The following PRKN variants were observed in gnomAD, a reference collection of about 807,000 sequenced individuals.
PRKN encodes E3 ubiquitin-protein ligase parkin.
PRKN carries 56 observed loss-of-function variants against 59.5 expected under a neutral mutation model. That is an observed-to-expected ratio of 0.94 (90% CI 0.76 to 1.18). The LOEUF is 1.18. Ranked by LOEUF, PRKN falls within the 50% of genes most tolerant of loss-of-function variation. The pLI, the probability that PRKN is intolerant of heterozygous loss-of-function variation, is 0.00. For missense variants in PRKN, 657 were observed against 596.4 expected, an observed-to-expected ratio of 1.10 and a Z score of -1.06; for synonymous variants, 250 against 222.1, an observed-to-expected ratio of 1.13 and a Z score of -1.12.
At chr6:162,389,789 A>G (rs746446014) in intron 2 of PRKN, among the ~76,000 whole-genome samples, 1 of 152,200 alleles carries the variant, frequency 6.6e-6, no homozygotes, top group East Asian at 1.9e-4. Flanking sequence ...GTGGAGTCCA[A>G]AGCTTTCCCC....
chr6:162,482,748 C>T (rs962146639), intron 1 of PRKN, among the ~76,000 whole-genome samples: 4 of 152,182 alleles, frequency 2.6e-5, no homozygotes, highest in African/African-American at 9.6e-5. Context: ...CAAAACCCAA[C>T]TCTAAAATGA....
At chr6:162,634,280 C>T (rs58292605) in intron 1 of PRKN, among the ~76,000 whole-genome samples, 29,490 of 152,014 alleles carry the variant, frequency 0.19, 3,515 homozygotes, top group East Asian at 0.47. Context: ...GCTCTGTGGC[C>T]TCCTGATGCT....
At chr6:162,387,022 A>C (rs982237316) in intron 2 of PRKN, among the ~76,000 whole-genome samples, 1 of 152,168 alleles carries the variant, frequency 6.6e-6, no homozygotes, top group African/African-American at 2.4e-5. Context: ...TTAATTAAAA[A>C]GTCGACTTGA....
rs1213780721 is a variant in PRKN at position 161,447,397 on chromosome 6, A to C, written c.1084-60520T>G. ...GAATTTACATTTTGATTTAGTTATA[A>C]ATAACTTTTCTTCTGTGTATTGGTT... On this transcript the variant is annotated intron_variant, in intron 9 of 11. Coordinates refer to ENST00000366898, the MANE Select transcript of PRKN (RefSeq NM_004562.3). The surrounding 1 kb of genome is among the most constrained non-coding windows in gnomAD (Gnocchi z 4.1). Among the ~76,000 whole-genome samples the C allele has an allele frequency of 1.3e-5, 2 of 152,234 alleles. No individual in the cohort carries two copies. The highest frequency in any genetic ancestry group is 2.9e-5 in the Non-Finnish European group (2 of 68,040).
At chr6:162,458,105 T>A (rs1053114429) in intron 1 of PRKN, among the ~76,000 whole-genome samples, 1 of 149,800 alleles carries the variant, frequency 6.7e-6, no homozygotes, top group Admixed American at 6.7e-5. Flanking sequence ...ATTACAAAAA[T>A]TAGCCAGGCG....
intron 7 of PRKN, among the ~76,000 whole-genome samples, chr6:161,693,119 A>G: frequency 6.6e-6 from 1 of 152,172 alleles, no homozygotes; most frequent in Admixed American, 6.5e-5. Context: ...AAAAACACAT[A>G]AACATAAAAA....
At chr6:162,156,108 A>T (rs1782502836) in intron 4 of PRKN, among the ~76,000 whole-genome samples, 1 of 152,166 alleles carries the variant, frequency 6.6e-6, no homozygotes, top group Admixed American at 6.5e-5. Flanking sequence ...TTACATCCCT[A>T]TGTACTGTAT....
Position 161,414,902 on chromosome 6 carries a change from C to T in PRKN, c.1084-28025G>A, listed in dbSNP as rs1210618729. On this transcript the variant is annotated intron_variant, in intron 9 of 11. Transcript: ENST00000366898. The surrounding 1 kb of genome is among the most constrained non-coding windows in gnomAD (Gnocchi z 5.3). The stretch of plus-strand genomic sequence containing the variant: ...CTCATCAGTCACAGGAAATTAAATG[C>T]CTTTTGAAAGGGAGCTAGGCATAGG... Among the ~76,000 whole-genome samples the T allele has an allele frequency of 6.6e-6, 1 of 152,154 alleles. No homozygotes were observed. Among genetic ancestry groups the T allele is most frequent in the African/African-American group, 2.4e-5 (1 of 41,402 alleles).
chr6:162,201,435 C>A (rs1208335201), intron 3 of PRKN, among the ~76,000 whole-genome samples, 183 bp from the exon 4 acceptor site: 1 of 152,136 alleles, frequency 6.6e-6, no homozygotes, highest in Non-Finnish European at 1.5e-5. Flanking sequence ...TAACTTTATG[C>A]TCCAAGAGTG....
At chr6:161,874,981 T>C (rs1368343160) in intron 6 of PRKN, among the ~76,000 whole-genome samples, 1 of 82,418 alleles carries the variant, frequency 1.2e-5, no homozygotes, top group African/African-American at 6.3e-5. Flanking sequence ...ATTTATTATA[T>C]TATATACTTT....
chr6:161,602,529 C>T (rs1205295689), intron 7 of PRKN, among the ~76,000 whole-genome samples: 1 of 152,146 alleles, frequency 6.6e-6, no homozygotes, highest in East Asian at 1.9e-4. Flanking sequence ...AAAATGTTAA[C>T]ATTGAGTTGT....
At chr6:162,250,819 C>A (rs1277024331) in intron 3 of PRKN, among the ~76,000 whole-genome samples, 2 of 152,100 alleles carry the variant, frequency 1.3e-5, no homozygotes, top group Admixed American at 6.6e-5. Context: ...TAGATAAACC[C>A]TTATTTTATT....
At chr6:162,173,705 T>C (rs2128320495) in intron 4 of PRKN, among the ~76,000 whole-genome samples, 1 of 152,318 alleles carries the variant, frequency 6.6e-6, no homozygotes, top group African/African-American at 2.4e-5. Flanking sequence ...AGGAAGGAAC[T>C]GGGTCATAGT....
At chr6:162,668,230 T>C (rs569423906) in intron 1 of PRKN, among the ~76,000 whole-genome samples, 2 of 152,328 alleles carry the variant, frequency 1.3e-5, no homozygotes, top group Admixed American at 1.3e-4. Flanking sequence ...AAGCTCATAA[T>C]TGTAAGATTA....
intron 2 of PRKN, among the ~76,000 whole-genome samples, chr6:162,372,102 A>G (rs778362582): frequency 5.3e-5 from 8 of 152,206 alleles, no homozygotes; most frequent in Non-Finnish European, 1.0e-4. Context: ...CCTGAAGGAC[A>G]TACTGGTTTC....
In PRKN at chr6:161,442,558, C is replaced by A. The variant is rs963253298; in HGVS notation, c.1084-55681G>T. Among the ~76,000 whole-genome samples the A allele has an allele frequency of 1.3e-5, 2 of 152,184 alleles. No homozygotes were observed. The highest frequency in any genetic ancestry group is 1.3e-4 in the Admixed American group (2 of 15,284). ...GAAGGCACTGAATAGCGTGCCGTTC[C>A]GCACCACCAAGCGGAAGGGCAGCAC... On this transcript the variant is annotated intron_variant, in intron 9 of 11. Coordinates refer to ENST00000366898, the MANE Select transcript of PRKN (RefSeq NM_004562.3). This position sits in a 1 kb window ranked among gnomAD's most constrained non-coding sequence, Gnocchi z 4.6.
intron 1 of PRKN, among the ~76,000 whole-genome samples, chr6:162,588,197 G>C (rs1000743566): frequency 6.6e-6 from 1 of 151,774 alleles, no homozygotes; most frequent in Non-Finnish European, 1.5e-5. Flanking sequence ...TTTTAGTAAA[G>C]ACAGGGTTTC....
chr6:162,212,218 T>C (rs1448848316), intron 3 of PRKN, among the ~76,000 whole-genome samples: 2 of 152,140 alleles, frequency 1.3e-5, no homozygotes, highest in South Asian at 4.1e-4. Flanking sequence ...TGAATGTCTG[T>C]AGCAGGCTGA....
chr6:161,736,161 G>C (rs11754720), intron 7 of PRKN, among the ~76,000 whole-genome samples: 1 of 152,100 alleles, frequency 6.6e-6, no homozygotes, highest in African/African-American at 2.4e-5. Flanking sequence ...TGTAAGGGAC[G>C]TACAAAACAC....
Sources: gnomAD v4.1 joint callset for allele counts (sites outside exome capture counted in the v4.1 genomes callset) on GRCh38, gnomAD v4.1.1 for gene constraint, Gnocchi (gnomAD v3.1) non-coding constraint, MANE v1.5 for transcripts, NCBI Gene and HGNC (gene_info 2026-07-23, HGNC 2026-07-21) for gene names.